Variants in MPRIP observed in about 807,000 individuals in gnomAD.
The protein encoded by MPRIP is myosin phosphatase Rho interacting protein, also known as myosin phosphatase Rho-interacting protein.
A neutral mutation model predicts 234.9 loss-of-function variants in MPRIP; 59 were observed. The ratio of observed to expected loss-of-function variants is 0.25; its 90% CI spans 0.20 to 0.31. MPRIP has a LOEUF of 0.31. Ranked by LOEUF, MPRIP falls within the 10% of genes least tolerant of loss-of-function variation. The probability of loss-of-function intolerance (pLI) is 1.00; values close to 1 mark genes in which losing one functional copy is unlikely to be tolerated. For synonymous variants in MPRIP, 1,144 were observed against 1,263.9 expected (o/e 0.91, Z 2.01); for missense variants, 2,436 against 3,071.0 (o/e 0.79, Z 4.89).
intron 3 of MPRIP, among the ~76,000 whole-genome samples, chr17:17,090,050 G>A (rs1334351485): frequency 8.5e-5 from 13 of 152,176 alleles, no homozygotes. Flanking sequence ...GTGGGGAGAC[G>A]GAAAAGACTC....
intron 3 of MPRIP, among the ~76,000 whole-genome samples, chr17:17,083,731 T>C (rs1297992443): frequency 6.6e-6 from 1 of 151,898 alleles, no homozygotes; most frequent in African/African-American, 2.4e-5. Flanking sequence ...TTTTTTGTTG[T>C]TGTTTTTGTT....
intron 1 of MPRIP, among the ~76,000 whole-genome samples, chr17:17,063,919 G>A (rs982279221): frequency 6.6e-6 from 1 of 152,236 alleles, no homozygotes; most frequent in Non-Finnish European, 1.5e-5. Flanking sequence ...CCCGCTTGGG[G>A]CAGTTGGGCA....
intron 7 of MPRIP, chr17:17,141,462 T>C (rs1281536393): frequency 6.6e-6 from 1 of 152,230 alleles, no homozygotes; most frequent in Non-Finnish European, 1.5e-5. Context: ...ACTTTGTGTC[T>C]AAGCACAGGG....
chr17:17,058,556 G>A (rs192625105), intron 1 of MPRIP, among the ~76,000 whole-genome samples: 2 of 148,766 alleles, frequency 1.3e-5, no homozygotes, highest in African/African-American at 5.0e-5. Flanking sequence ...TCCAGGGACT[G>A]TGGGGAGTGG....
chr17:17,086,101 A>G (rs1597781173), intron 3 of MPRIP, among the ~76,000 whole-genome samples: 2 of 152,338 alleles, frequency 1.3e-5, no homozygotes, highest in African/African-American at 2.4e-5. Flanking sequence ...AATGTCTTCA[A>G]GCTCTTTGCC....
In MPRIP at chr17:17,083,261, G is replaced by A. The variant is rs533132973; in HGVS notation, c.267+5185G>A. 2.6e-5 allele frequency among the ~76,000 whole-genome samples: 4 copies of A among 152,334 alleles called. No homozygotes were observed. The East Asian group carries it at 5.8e-4, about 22-fold the overall frequency. ...GGCAACCTGGGAGTTTGTCAGTCCC[G>A]TAAGATGTGAAGTTCCAGCCTGAGA... On this transcript the variant is annotated intron_variant, in intron 3 of 23. Transcript: ENST00000651222.
chr17:17,185,440 G>A lies in MPRIP; in HGVS notation c.*546G>A, dbSNP rs1414130549. Reference sequence around the variant, plus strand: ...AGGAGGAGGACAGCATTTTGTATTTGTTCCACTGATGCAGCTTAGAACCAC... The same window carrying A: ...AGGAGGAGGACAGCATTTTGTATTTATTCCACTGATGCAGCTTAGAACCAC... On this transcript the variant is annotated 3_prime_UTR_variant, in exon 24 of 24. Transcript: ENST00000651222. 2.2e-6 allele frequency: 1 copy of A among 451,982 alleles called. No homozygotes were observed. Among genetic ancestry groups the A allele is most frequent in the Non-Finnish European group, 4.5e-6 (1 of 224,174 alleles). 28.0% of individuals were successfully genotyped at this position (451,982 alleles called of 1,614,324 possible).
chr17:17,123,071 C>T lies in MPRIP; in HGVS notation c.268-3631C>T, dbSNP rs981582899. 3.9e-5 allele frequency among the ~76,000 whole-genome samples: 6 copies of T among 152,022 alleles called. No individual in the cohort carries two copies. The East Asian group carries it at 5.9e-4, about 15-fold the overall frequency. The stretch of plus-strand genomic sequence containing the variant: ...TGAAAGACTGACACATGCTGCAATG[C>T]GGAGGAACCTTGAAAATATGCTAAA... On this transcript the variant is annotated intron_variant, in intron 3 of 23. Coordinates refer to ENST00000651222, the MANE Select transcript of MPRIP (RefSeq NM_001364716.4).
Position 17,164,772 on chromosome 17 carries a change from G to T in MPRIP, c.3181G>T (p.Val1061Leu), listed in dbSNP as rs1175669102. ...EDQLQGQAQQVETLQKEKLSA... is the reference protein window; with the variant it reads ...EDQLQGQAQQLETLQKEKLSA... ...CCAGCTGCAGGGTCAGGCACAGCAG[G>T]TGGAGACCCTGCAGAAGGAGAAGCT... Residue 1061 changes from valine (V) to leucine (L), a missense_variant, in exon 16 of 24, where the codon GTG (valine) becomes TTG (leucine). By Grantham distance (32) the Val-to-Leu change is conservative. This residue lies in a region of MPRIP where 1,998 missense variants were observed against 2,520.3 expected (regional missense o/e 0.79). Coordinates refer to ENST00000651222, the MANE Select transcript of MPRIP (RefSeq NM_001364716.4). The T allele has an allele frequency of 7.7e-7, 1 of 1,304,240 alleles. No homozygotes were observed. 80.8% of individuals were successfully genotyped at this position (1,304,240 alleles called of 1,614,324 possible). A position where few individuals can be genotyped will look rare whatever the true frequency, so the allele number is the denominator to read the frequency against.
chr17:17,175,159 G>C, intron 19 of MPRIP, 134 bp from the exon 20 acceptor site: 3 of 1,284,284 alleles, frequency 2.3e-6, no homozygotes, highest in Non-Finnish European at 3.3e-6. Flanking sequence ...AGGAATTAAG[G>C]GTTATCGATT....
Position 17,165,427 on chromosome 17 carries a change from G to A in MPRIP, c.3836G>A (p.Gly1279Asp), listed in dbSNP as rs2045963310. The A allele has an allele frequency of 1.5e-6, 2 of 1,304,106 alleles. No individual in the cohort carries two copies. Among genetic ancestry groups the A allele is most frequent in the South Asian group, 1.2e-5 (1 of 81,038 alleles). The allele number at this position is 1,304,106 out of a possible 1,614,324, so 80.8% of individuals were successfully genotyped here. Residue 1279 changes from glycine to aspartate, a missense_variant, in exon 16 of 24, where the codon GGT becomes GAT. Gly to Asp is a moderately conservative substitution (Grantham distance 94). Transcript: ENST00000651222. ...DLGAPPGEEY[G>D]DGSPSREDSM... ...GGGGCTCCTCCGGGGGAAGAGTACG[G>A]TGATGGCAGCCCCAGTAGGGAAGAC...
Position 17,138,099 on chromosome 17 carries a change from C to T in MPRIP, c.920C>T (p.Ser307Phe). 2 of 1,557,052 alleles carry T rather than the reference C, an allele frequency of 1.3e-6. No individual in the cohort carries two copies. The highest frequency in any genetic ancestry group is 1.2e-5 in the South Asian group (1 of 83,362). The change falls in exon 7 of 24, where the codon TCC becomes TTC. Residue 307 changes from serine to phenylalanine, a missense_variant. Transcript: ENST00000651222. This position sits in a 1 kb window ranked among gnomAD's most constrained non-coding sequence, Gnocchi z 5.8. ...NHRYSCPESP[S>F]QELGGPLPSP... The stretch of plus-strand genomic sequence containing the variant: ...AGGTACAGTTGCCCCGAGTCGCCCT[C>T]CCAGGAGCTCGGTGGTCCTCTTCCT...
Position 17,176,444 on chromosome 17 carries a change from G to A in MPRIP, c.6889G>A (p.Glu2297Lys). The change falls in exon 21 of 24, where the codon GAA becomes AAA. Residue 2297 changes from glutamate to lysine, a missense_variant. Glu to Lys is a moderately conservative substitution (Grantham distance 56). Coordinates refer to ENST00000651222, the MANE Select transcript of MPRIP (RefSeq NM_001364716.4). ...ATTTTAGGTCTTATTGCGGGTAAAG[G>A]AATCGGAAATACAGTACCTGAAACA... The part of the protein sequence containing the change: ...YELEVLLRVK[E>K]SEIQYLKQEI... 1.9e-6 allele frequency: 3 copies of A among 1,614,026 alleles called. No homozygotes were observed. The highest frequency in any genetic ancestry group is 1.7e-5 in the Admixed American group (1 of 60,018).
intron 3 of MPRIP, among the ~76,000 whole-genome samples, chr17:17,121,565 T>C (rs1278885892): frequency 6.6e-6 from 1 of 152,272 alleles, no homozygotes; most frequent in African/African-American, 2.4e-5. Context: ...CATTGTGCCC[T>C]GCGCCTGTGC....
At chr17:17,147,500 C>T (rs773919884) in intron 11 of MPRIP, 113 bp downstream of exon 11, 12 of 1,018,858 alleles carry the variant, frequency 1.2e-5, no homozygotes, top group Admixed American at 8.9e-5. Flanking sequence ...CTGAGGACAG[C>T]GCCCTTCGGT....
intron 1 of MPRIP, among the ~76,000 whole-genome samples, chr17:17,056,349 G>T (rs972291877): frequency 1.3e-5 from 2 of 152,212 alleles, no homozygotes; most frequent in East Asian, 3.8e-4. Context: ...ATGGCGTCAT[G>T]TTCCAAAAAT....
At chr17:17,085,167 G>A (rs1345694901) in intron 3 of MPRIP, among the ~76,000 whole-genome samples, 2 of 152,180 alleles carry the variant, frequency 1.3e-5, no homozygotes, top group African/African-American at 4.8e-5. Flanking sequence ...TTGGAGTGGG[G>A]TCAGTAACTG....
At chr17:17,075,899 A>G (rs2089317408) in intron 2 of MPRIP, 112 bp downstream of exon 2, 4 of 959,892 alleles carry the variant, frequency 4.2e-6, no homozygotes, top group Non-Finnish European at 6.5e-6. Context: ...ATCCTGGGAT[A>G]GCAGGACCAG....
chr17:17,175,482 C>T, intron 20 of MPRIP, 70 bp downstream of exon 20: 1 of 1,473,216 alleles, frequency 6.8e-7, no homozygotes, highest in African/African-American at 1.4e-5. Context: ...TGCAGCATGG[C>T]CCCTGTCTTA....
Sources: allele counts gnomAD v4.1 joint callset (sites outside exome capture counted in the v4.1 genomes callset), GRCh38; gene constraint gnomAD v4.1.1; regional missense constraint gnomAD v4.1.1; non-coding constraint Gnocchi (gnomAD v3.1); transcripts MANE v1.5; gene names NCBI Gene and HGNC (gene_info 2026-07-23, HGNC 2026-07-21).